The following EML5 variants were observed in gnomAD, a reference collection of about 807,000 sequenced individuals.
The protein encoded by EML5 is EMAP like 5.
In EML5, 120 loss-of-function variants were observed where a neutral mutation model predicts 250.0. That is an observed-to-expected ratio of 0.48 (90% CI 0.41 to 0.56). The LOEUF (loss-of-function observed/expected upper bound fraction) is 0.56, where lower values mean the gene tolerates loss of function less well. EML5 is among the 20% of genes least tolerant of loss of function. EML5 has a pLI of 0.00. For missense variants in EML5, 2,006 were observed against 2,437.6 expected (o/e 0.82, Z 3.73); for synonymous variants, 771 against 806.5 (o/e 0.96, Z 0.75).
In EML5 at chr14:88,625,098, A is replaced by G; in HGVS notation, c.4770T>C (p.Ser1590=). The stretch of plus-strand genomic sequence containing the variant: ...GATCTTTCCACACACAGACATCACC[A>G]CTGATGGTACCTGTAAACGTCAAGT... ...ANNLTFTGTI[S]GDVCVWKDHI... Residue 1590 remains serine (S), a synonymous_variant, in exon 36 of 44, where the codon AGT becomes AGC. Transcript: ENST00000554922. The G allele has an allele frequency of 6.2e-7, 1 of 1,613,928 alleles. No individual in the cohort carries two copies. Among genetic ancestry groups the G allele is most frequent in the Non-Finnish European group, 8.5e-7 (1 of 1,179,854 alleles).
At position 88,688,227 on chromosome 14, in the gene EML5, C is replaced by T. The variant is rs76726464; in HGVS notation, c.2742+44G>A. ...TTACTTCTTAAAATGCTCTACACTCCAGGACAAATTTTGTTTAATTTAAAA... is the reference window on the plus strand; with the variant it reads ...TTACTTCTTAAAATGCTCTACACTCTAGGACAAATTTTGTTTAATTTAAAA... On this transcript the variant is annotated intron_variant, in intron 18 of 43. Coordinates refer to ENST00000554922, the MANE Select transcript of EML5 (RefSeq NM_183387.3). 3.3e-3 allele frequency: 5,284 copies of T among 1,604,572 alleles called. 7 individuals are homozygous for T. Among genetic ancestry groups the T allele is most frequent in the Non-Finnish European group, 3.9e-3 (4,626 of 1,173,096 alleles).
chr14:88,651,341 G>T (rs1258918976), intron 27 of EML5, among the ~76,000 whole-genome samples: 1 of 151,670 alleles, frequency 6.6e-6, no homozygotes, highest in Admixed American at 6.6e-5. Flanking sequence ...AAAGTTAGCT[G>T]CAGAATATAC....
rs780406920 is a variant in EML5, at chr14:88,695,437, C to T, written c.2362G>A (p.Ala788Thr). Residue 788 changes from alanine to threonine, a missense_variant, in exon 16 of 44, where the codon GCA becomes ACA. Physicochemically the swap from Ala to Thr is moderately conservative, Grantham distance 58. Coordinates refer to ENST00000554922, the MANE Select transcript of EML5 (RefSeq NM_183387.3). ...VDFSADGKRL[A>T]SVGIDDSHTV... ...TGGCTATCATCTATGCCAACTGATG[C>T]CAAACGTTTCCCATCCGCTGTGGAA... 42 of 1,611,842 alleles carry T rather than the reference C, an allele frequency of 2.6e-5. No homozygotes were observed. The highest frequency in any genetic ancestry group is 3.2e-5 in the Non-Finnish European group (38 of 1,179,124).
At chr14:88,672,678 C>T (rs191170132) in intron 21 of EML5, among the ~76,000 whole-genome samples, 271 of 151,736 alleles carry the variant, frequency 1.8e-3, no homozygotes, top group Admixed American at 2.8e-3. Context: ...AGAATCAAAT[C>T]GACACAATAA....
intron 3 of EML5, among the ~76,000 whole-genome samples, chr14:88,745,620 CAAACT>C (rs1414600393): frequency 6.6e-6 from 1 of 151,962 alleles, no homozygotes; most frequent in African/African-American, 2.4e-5. Context: ...AGTGGTAAAC[CAAACT>C]AAACAGACCC....
intron 27 of EML5, among the ~76,000 whole-genome samples, chr14:88,656,994 T>C (rs1418949680): frequency 6.6e-6 from 1 of 152,162 alleles, no homozygotes; most frequent in Non-Finnish European, 1.5e-5. Context: ...GTTTTGTTTT[T>C]GTGGGTATTT....
At chr14:88,758,563 A>G (rs2094195196) in intron 1 of EML5, among the ~76,000 whole-genome samples, 1 of 152,192 alleles carries the variant, frequency 6.6e-6, no homozygotes, top group South Asian at 2.1e-4. Flanking sequence ...GTAACCCTTA[A>G]ACATTGATTA....
intron 29 of EML5, among the ~76,000 whole-genome samples, chr14:88,646,386 A>G (rs1449369055): frequency 6.6e-6 from 1 of 152,186 alleles, no homozygotes; most frequent in African/African-American, 2.4e-5. Context: ...AACCTTCTTC[A>G]TATACTTTTT....
intron 25 of EML5, among the ~76,000 whole-genome samples, chr14:88,659,060 A>G (rs2091973230): frequency 6.6e-6 from 1 of 152,176 alleles, no homozygotes; most frequent in Admixed American, 6.5e-5. Flanking sequence ...CTTTTAAATA[A>G]CAATAAAGTT....
intron 35 of EML5, chr14:88,625,506 A>T (rs1477905105): frequency 6.4e-6 from 1 of 156,524 alleles, no homozygotes; most frequent in Non-Finnish European, 1.4e-5. Context: ...GGTTCAAGTG[A>T]TTCTCCTGTC....
chr14:88,682,508 T>C (rs940739887), intron 20 of EML5, among the ~76,000 whole-genome samples: 1 of 152,242 alleles, frequency 6.6e-6, no homozygotes, highest in Non-Finnish European at 1.5e-5. Flanking sequence ...TAAAATTTGT[T>C]AAGAACAGTG....
intron 36 of EML5, chr14:88,623,047 G>A (rs189697719): frequency 5.9e-4 from 88 of 149,088 alleles, no homozygotes; most frequent in African/African-American, 2.0e-3. Flanking sequence ...ATGTAGTCTC[G>A]CTCTGTCTCC....
Position 88,658,208 on chromosome 14 carries a change from T to C in EML5, c.3856A>G (p.Ile1286Val), listed in dbSNP as rs1381188094. Residue 1286 changes from isoleucine (I) to valine (V), a missense_variant, in exon 26 of 44, where the codon ATT becomes GTT. By Grantham distance (29) the Ile-to-Val change is conservative. This residue lies in a region of EML5 where 1,375 missense variants were observed against 1,590.3 expected (regional missense o/e 0.86). Coordinates refer to ENST00000554922, the MANE Select transcript of EML5 (RefSeq NM_183387.3). ...GTACCCCCATCTTCTTCAGAATCAATGTCGGATTCTTCACTATCACAAGGC... is the reference window on the plus strand; with the variant it reads ...GTACCCCCATCTTCTTCAGAATCAACGTCGGATTCTTCACTATCACAAGGC... ...KRPCDSEESD[I>V]DSEEDGGYDS... 6.2e-7 allele frequency: 1 copy of C among 1,613,826 alleles called. No homozygotes were observed.
intron 4 of EML5, among the ~76,000 whole-genome samples, chr14:88,741,419 T>G (rs1157215081): frequency 6.6e-6 from 1 of 152,252 alleles, no homozygotes; most frequent in African/African-American, 2.4e-5. Context: ...GATGTCCATG[T>G]GGAATGATTT....
In EML5 at chr14:88,613,386, T is replaced by G. The variant is rs1437680075; in HGVS notation, c.*2432A>C. On this transcript the variant is annotated 3_prime_UTR_variant, in exon 44 of 44. Transcript: ENST00000554922. ...ATTGTTTAAATATCTGGAAATACTT[T>G]TAGCTATCATTTATAAAGATAGTTT... 1.3e-5 allele frequency: 2 copies of G among 152,026 alleles called. No individual in the cohort carries two copies. Among genetic ancestry groups the G allele is most frequent in the Non-Finnish European group, 2.9e-5 (2 of 68,020 alleles). The allele number at this position is 152,026 out of a possible 1,614,324, so 9.4% of individuals were successfully genotyped here.
intron 1 of EML5, among the ~76,000 whole-genome samples, chr14:88,756,879 A>G (rs1194516814): frequency 1.3e-5 from 2 of 152,224 alleles, no homozygotes; most frequent in African/African-American, 2.4e-5. Context: ...GAGGAATGTA[A>G]TATTTGTAAG....
rs1372433290 is a variant in EML5, at chr14:88,714,950, T to C, written c.1433A>G (p.Tyr478Cys). Residue 478 changes from tyrosine (Y) to cysteine (C), a missense_variant, in exon 9 of 44, where the codon TAT (tyrosine) becomes TGT (cysteine). Transcript: ENST00000554922. Reference protein sequence around the residue: ...TNDGNGKRLFYRMPGGKEVTS... With the variant: ...TNDGNGKRLFCRMPGGKEVTS... ...CTAGAAATTGTTACCTGGCATTCTATAAAAAAGTCTTTTCCCATTTCCATC... is the reference window on the plus strand; with the variant it reads ...CTAGAAATTGTTACCTGGCATTCTACAAAAAAGTCTTTTCCCATTTCCATC... The C allele has an allele frequency of 1.2e-6, 2 of 1,611,952 alleles. No individual in the cohort carries two copies. The highest frequency in any genetic ancestry group is 1.1e-5 in the South Asian group (1 of 90,662).
At chr14:88,693,218 T>A (rs530084192) in intron 17 of EML5, among the ~76,000 whole-genome samples, 15 of 152,208 alleles carry the variant, frequency 9.9e-5, no homozygotes, top group Non-Finnish European at 1.0e-4. Context: ...TTTGCAAGTA[T>A]GAATACTACT....
chr14:88,773,589 T>C (rs1472901405), intron 1 of EML5, among the ~76,000 whole-genome samples: 4 of 152,160 alleles, frequency 2.6e-5, no homozygotes, highest in Non-Finnish European at 5.9e-5. Context: ...TGCCTGCATA[T>C]TACAATCATT....
Sources: gnomAD v4.1 joint callset for allele counts (sites outside exome capture counted in the v4.1 genomes callset) on GRCh38, gnomAD v4.1.1 for gene constraint, gnomAD v4.1.1 regional missense constraint, MANE v1.5 for transcripts, NCBI Gene and HGNC (gene_info 2026-07-23, HGNC 2026-07-21) for gene names.